AKAP9: variants seen among roughly 807,000 people sequenced by gnomAD.
AKAP9 encodes the protein A-kinase anchor protein 9.
AKAP9 carries 311 observed loss-of-function variants against 488.5 expected under a neutral mutation model. The observed-to-expected ratio is 0.64, with a 90% CI of 0.58 to 0.70. The LOEUF is 0.70. AKAP9 is among the 30% of genes least tolerant of loss of function. The pLI is 0.00. For synonymous variants in AKAP9, 1,462 were observed against 1,483.5 expected, an observed-to-expected ratio of 0.99 and a Z score of 0.33; for missense variants, 4,215 against 4,374.5, an observed-to-expected ratio of 0.96 and a Z score of 1.03.
chr7:92,010,819 A>G (rs1381495946), intron 8 of AKAP9, among the ~76,000 whole-genome samples: 2 of 151,978 alleles, frequency 1.3e-5, no homozygotes, highest in South Asian at 2.1e-4. Context: ...ACTCCTGGCT[A>G]ATTTATTATT....
intron 10 of AKAP9, among the ~76,000 whole-genome samples, chr7:92,015,051 G>A (rs1801315938): frequency 6.6e-6 from 1 of 152,166 alleles, no homozygotes; most frequent in Admixed American, 6.5e-5. Flanking sequence ...CTGCATCTTA[G>A]GGGCTATGCT....
At chr7:91,959,398 T>A (rs1011400342) in intron 1 of AKAP9, among the ~76,000 whole-genome samples, 5 of 151,578 alleles carry the variant, frequency 3.3e-5, no homozygotes, top group Admixed American at 6.6e-5. Context: ...GCTCAAGCAG[T>A]CCTTCCACCT....
rs1303280002 is a variant in AKAP9 at position 92,061,244 on chromosome 7, T to G, written c.5602-16T>G. 1 of 1,610,806 alleles carries G rather than the reference T, an allele frequency of 6.2e-7. No individual in the cohort carries two copies. Among genetic ancestry groups the G allele is most frequent in the South Asian group, 1.1e-5 (1 of 91,020 alleles). On this transcript the variant is annotated splice_polypyrimidine_tract_variant and intron_variant, in intron 22 of 49. Coordinates refer to ENST00000356239, the MANE Select transcript of AKAP9 (RefSeq NM_005751.5). ...CACTTTATTTTCTTTTATGTATTGT[T>G]TCCCTCTTTGTTTAGCTTGAACATG...
intron 3 of AKAP9, among the ~76,000 whole-genome samples, chr7:91,982,917 A>G (rs1796612188): frequency 6.6e-6 from 1 of 151,724 alleles, no homozygotes; most frequent in Non-Finnish European, 1.5e-5. Flanking sequence ...TGTGGTTTTG[A>G]TTTGCATTTC....
rs781238898 is a variant in AKAP9 at position 92,084,693 on chromosome 7, A to G, written c.8700A>G (p.Ile2900Met). The G allele has an allele frequency of 2.5e-6, 4 of 1,610,092 alleles. No individual in the cohort carries two copies. Among genetic ancestry groups the G allele is most frequent in the Middle Eastern group, 1.7e-4 (1 of 6,044 alleles). The change falls in exon 34 of 50, where the codon ATA becomes ATG. Residue 2900 changes from isoleucine (I) to methionine (M), a missense_variant. Coordinates refer to ENST00000356239, the MANE Select transcript of AKAP9 (RefSeq NM_005751.5). ...CTGATGCTTACCAGACTAGAGAAATATGCTCCAGTGGTAAGTTATATAAAT... is the reference window on the plus strand; with the variant it reads ...CTGATGCTTACCAGACTAGAGAAATGTGCTCCAGTGGTAAGTTATATAAAT... The part of the protein sequence containing the change: ...AHSDAYQTRE[I>M]CSSDSGSDWG...
At chr7:92,031,748 G>A (rs1584231327) in intron 16 of AKAP9, 144 bp downstream of exon 16, 3 of 661,956 alleles carry the variant, frequency 4.5e-6, no homozygotes, top group East Asian at 5.6e-5. Context: ...ATCAATTATA[G>A]TTGCCTTTAA....
intron 28 of AKAP9, among the ~76,000 whole-genome samples, chr7:92,075,265 A>G (rs1324316141): frequency 6.6e-6 from 1 of 152,220 alleles, no homozygotes; most frequent in Non-Finnish European, 1.5e-5. Flanking sequence ...ATTTCGTATG[A>G]GATAGGGCAG....
At chr7:92,109,051 A>G in intron 49 of AKAP9, 1 of 105,348 alleles carries the variant, frequency 9.5e-6, no homozygotes, top group Non-Finnish European at 2.0e-5. Context: ...GTCTCAAAGA[A>G]AAAAAAAAAA....
intron 3 of AKAP9, among the ~76,000 whole-genome samples, chr7:91,988,453 A>C (rs1797371706): frequency 6.6e-6 from 1 of 152,170 alleles, no homozygotes; most frequent in Non-Finnish European, 1.5e-5. Flanking sequence ...CCTGTGTGAC[A>C]GAGTGAGACC....
At chr7:92,012,864 A>G (rs1229595853) in intron 9 of AKAP9, among the ~76,000 whole-genome samples, 2 of 152,010 alleles carry the variant, frequency 1.3e-5, no homozygotes, top group African/African-American at 2.4e-5. Context: ...AAAATAAACA[A>G]TTTCTCCAAC....
chr7:91,964,922 T>C (rs1794238683), intron 1 of AKAP9, among the ~76,000 whole-genome samples: 1 of 152,214 alleles, frequency 6.6e-6, no homozygotes, highest in South Asian at 2.1e-4. Flanking sequence ...TGTTATGTAA[T>C]GTATATATTT....
At chr7:92,102,425 G>T (rs1483432341) in intron 45 of AKAP9, among the ~76,000 whole-genome samples, 169 bp from the exon 46 acceptor site, 2 of 149,598 alleles carry the variant, frequency 1.3e-5, no homozygotes, top group African/African-American at 4.9e-5. Flanking sequence ...AGAAAACAGT[G>T]ATAGGAACCT....
chr7:92,095,884 G>A (rs1816485788), intron 40 of AKAP9, among the ~76,000 whole-genome samples: 1 of 152,118 alleles, frequency 6.6e-6, no homozygotes, highest in Non-Finnish European at 1.5e-5. Flanking sequence ...ACCAATTATA[G>A]TTTTTTAACC....
intron 31 of AKAP9, among the ~76,000 whole-genome samples, chr7:92,080,822 T>C (rs1813422735): frequency 6.6e-6 from 1 of 152,194 alleles, no homozygotes; most frequent in Admixed American, 6.5e-5. Flanking sequence ...GGACCCAGTC[T>C]GCTCAGTTGA....
At chr7:92,104,543 A>G (rs1353666636) in intron 46 of AKAP9, among the ~76,000 whole-genome samples, 1 of 152,142 alleles carries the variant, frequency 6.6e-6, no homozygotes, top group Non-Finnish European at 1.5e-5. Context: ...GTCTGAGATC[A>G]CCTAGTCCAG....
intron 3 of AKAP9, among the ~76,000 whole-genome samples, chr7:91,987,446 A>G (rs1303934628): frequency 6.6e-6 from 1 of 152,126 alleles, no homozygotes; most frequent in African/African-American, 2.4e-5. Context: ...AAAAAAGATA[A>G]TTATGAAATA....
At chr7:92,091,541 G>A (rs1034199694) in intron 38 of AKAP9, among the ~76,000 whole-genome samples, 15 of 144,848 alleles carry the variant, frequency 1.0e-4, no homozygotes, top group African/African-American at 3.7e-4. Flanking sequence ...AGTTGGGATC[G>A]TGCCATTGTA....
In AKAP9 at chr7:91,994,677, T is replaced by C; in HGVS notation, c.633T>C (p.Thr211=). ...GAGATGGCATTATAACCCAGCTCACTGCTAATTTACAACAAGCAAGAAGAG... is the reference window on the plus strand; with the variant it reads ...GAGATGGCATTATAACCCAGCTCACCGCTAATTTACAACAAGCAAGAAGAG... ...KQRDGIITQL[T]ANLQQARREK... Residue 211 remains threonine (T), a synonymous_variant, in exon 6 of 50, where the codon ACT becomes ACC. Transcript: ENST00000356239. The C allele has an allele frequency of 1.2e-6, 2 of 1,613,478 alleles. No homozygotes were observed. Among genetic ancestry groups the C allele is most frequent in the Non-Finnish European group, 1.7e-6 (2 of 1,179,686 alleles).
chr7:92,039,531 T>C (rs1310788797), intron 17 of AKAP9, among the ~76,000 whole-genome samples: 1 of 152,238 alleles, frequency 6.6e-6, no homozygotes, highest in Non-Finnish European at 1.5e-5. Context: ...TATTTATTAA[T>C]AGAAGATCCA....
Sources: allele counts gnomAD v4.1 joint callset (sites outside exome capture counted in the v4.1 genomes callset), GRCh38; gene constraint gnomAD v4.1.1; transcripts MANE v1.5; gene names NCBI Gene and HGNC (gene_info 2026-07-23, HGNC 2026-07-21).